PRKN: variants seen among roughly 807,000 people sequenced by gnomAD.
PRKN encodes the protein parkin RBR E3 ubiquitin protein ligase, also known as E3 ubiquitin-protein ligase parkin.
A neutral mutation model predicts 59.5 loss-of-function variants in PRKN; 56 were observed. That is an observed-to-expected ratio of 0.94 (90% CI 0.76 to 1.18). PRKN has a LOEUF of 1.18. Ranked by LOEUF, PRKN falls within the 50% of genes most tolerant of loss-of-function variation. The pLI is 0.00. For missense variants in PRKN, 657 were observed against 596.4 expected (o/e 1.10, Z -1.06); for synonymous variants, 250 against 222.1 (o/e 1.13, Z -1.12).
chr6:162,511,082 CTAA>C (rs999815367), intron 1 of PRKN, among the ~76,000 whole-genome samples: 4 of 152,068 alleles, frequency 2.6e-5, no homozygotes, highest in African/African-American at 9.7e-5. Context: ...CTGTTTTCCA[CTAA>C]TATTTTTTCA....
At chr6:161,967,051 C>T (rs1208596777) in intron 6 of PRKN, among the ~76,000 whole-genome samples, 2 of 152,120 alleles carry the variant, frequency 1.3e-5, no homozygotes, top group Admixed American at 6.5e-5. Flanking sequence ...AGGCTGGTCT[C>T]GAACTCCTGA....
intron 6 of PRKN, among the ~76,000 whole-genome samples, chr6:161,858,797 A>G (rs74463475): frequency 0.075 from 11,214 of 149,670 alleles, 459 homozygotes; most frequent in African/African-American, 0.12. Flanking sequence ...GCAGCTCTGC[A>G]TGGCCTTTTA....
intron 1 of PRKN, among the ~76,000 whole-genome samples, chr6:162,650,316 G>C (rs565282494): frequency 1.3e-3 from 191 of 152,054 alleles, no homozygotes; most frequent in African/African-American, 4.1e-3. Flanking sequence ...ACTCTCTGCC[G>C]GCCGGGCGCG....
chr6:162,708,817 C>A (rs1466248498), intron 1 of PRKN, among the ~76,000 whole-genome samples: 2 of 152,160 alleles, frequency 1.3e-5, no homozygotes, highest in Non-Finnish European at 2.9e-5. Context: ...CTGCAGGGGC[C>A]CCCAAGCCGC....
At chr6:162,224,323 T>C (rs1337199057) in intron 3 of PRKN, among the ~76,000 whole-genome samples, 1 of 152,206 alleles carries the variant, frequency 6.6e-6, no homozygotes, top group African/African-American at 2.4e-5. Context: ...CAATGTCTTA[T>C]AATTTCCTGT....
intron 9 of PRKN, among the ~76,000 whole-genome samples, chr6:161,404,964 AG>A (rs1432177693): frequency 6.6e-6 from 1 of 152,234 alleles, no homozygotes; most frequent in African/African-American, 2.4e-5. Flanking sequence ...AGTCATAAAA[AG>A]GGGGACTAAT....
chr6:161,832,665 C>T (rs1480468769), intron 6 of PRKN, among the ~76,000 whole-genome samples: 1 of 151,658 alleles, frequency 6.6e-6, no homozygotes, highest in Non-Finnish European at 1.5e-5. Context: ...AGTGTATACC[C>T]GCGGAACTGT....
chr6:162,344,827 C>A (rs1008051026), intron 2 of PRKN, among the ~76,000 whole-genome samples: 13 of 152,104 alleles, frequency 8.5e-5, no homozygotes, highest in Non-Finnish European at 1.5e-5. Flanking sequence ...CACACACAAG[C>A]AGGAAAGAAG....
chr6:161,695,783 C>T (rs1216956952), intron 7 of PRKN, among the ~76,000 whole-genome samples: 2 of 152,054 alleles, frequency 1.3e-5, no homozygotes, highest in Non-Finnish European at 2.9e-5. Context: ...ACGGTACAGT[C>T]AATCATGAGA....
At chr6:162,717,262 C>A (rs1778764614) in intron 1 of PRKN, among the ~76,000 whole-genome samples, 1 of 152,132 alleles carries the variant, frequency 6.6e-6, no homozygotes, top group Middle Eastern at 3.4e-3. Context: ...GCCCAGCGAA[C>A]ACCTTGATTT....
At chr6:161,618,766 A>G (rs1782784781) in intron 7 of PRKN, among the ~76,000 whole-genome samples, 1 of 152,234 alleles carries the variant, frequency 6.6e-6, no homozygotes, top group African/African-American at 2.4e-5. Flanking sequence ...ATGCAAATGT[A>G]TAAATCTAAT....
At chr6:162,564,832 C>T (rs915276160) in intron 1 of PRKN, among the ~76,000 whole-genome samples, 1 of 150,488 alleles carries the variant, frequency 6.6e-6, no homozygotes, top group African/African-American at 2.4e-5. Context: ...AATAGCAGAC[C>T]TGTCCTACAG....
At chr6:162,576,939 T>C (rs1348283398) in intron 1 of PRKN, among the ~76,000 whole-genome samples, 1 of 152,186 alleles carries the variant, frequency 6.6e-6, no homozygotes, top group East Asian at 1.9e-4. Context: ...GTGGGCTCAG[T>C]TTCTTTCAGG....
At chr6:162,235,934 G>GAAGGAAGGAAGGAAGA (rs1778647669) in intron 3 of PRKN, among the ~76,000 whole-genome samples, 1 of 87,994 alleles carries the variant, frequency 1.1e-5, no homozygotes, top group Non-Finnish European at 2.0e-5. Context: ...AGGAAGGAAG[G>GAAGGAAGGAAGGAAGA]AAGGAAGGAA....
rs373047847 is a variant in PRKN at position 162,501,746 on chromosome 6, AG to A, written c.8-58274del. Among the ~76,000 whole-genome samples, 819 of 152,236 alleles carry A rather than the reference AG, an allele frequency of 5.4e-3. 5 individuals are homozygous for A. The highest frequency in any genetic ancestry group is 0.019 in the African/African-American group (787 of 41,542). ...CTGCAGGCCATCTCAAAATGATGTC[AG>A]AGGGCAGAACCAACGCTTACATTAA... is the stretch of plus-strand genomic sequence containing the variant. On this transcript the variant is annotated intron_variant, in intron 1 of 11. Transcript: ENST00000366898.
chr6:162,698,814 G>A (rs1203369515), intron 1 of PRKN, among the ~76,000 whole-genome samples: 1 of 152,070 alleles, frequency 6.6e-6, no homozygotes, highest in Non-Finnish European at 1.5e-5. Context: ...AAGTCCCTTA[G>A]TTTTTAGAAA....
At chr6:161,620,145 C>A (rs1782842472) in intron 7 of PRKN, among the ~76,000 whole-genome samples, 1 of 151,250 alleles carries the variant, frequency 6.6e-6, no homozygotes, top group Non-Finnish European at 1.5e-5. Flanking sequence ...CATATGCCAC[C>A]ATGCCCAGCT....
intron 6 of PRKN, among the ~76,000 whole-genome samples, chr6:161,828,004 G>A (rs930425629): frequency 2.6e-5 from 4 of 152,180 alleles, no homozygotes; most frequent in African/African-American, 9.7e-5. Flanking sequence ...TGGTTTTCAT[G>A]CACTTATTAC....
intron 1 of PRKN, among the ~76,000 whole-genome samples, chr6:162,601,898 C>G (rs1345445445): frequency 6.6e-6 from 1 of 152,156 alleles, no homozygotes; most frequent in Non-Finnish European, 1.5e-5. Context: ...CAAGTTTTGA[C>G]AAGGCAGTGT....
Sources: allele counts gnomAD v4.1 joint callset (sites outside exome capture counted in the v4.1 genomes callset), GRCh38; gene constraint gnomAD v4.1.1; transcripts MANE v1.5; gene names NCBI Gene and HGNC (gene_info 2026-07-23, HGNC 2026-07-21).